Variants in APMAP observed in about 807,000 individuals in gnomAD.
APMAP encodes adipocyte plasma membrane-associated protein.
In APMAP, 33 loss-of-function variants were observed where a neutral mutation model predicts 43.6. The ratio of observed to expected loss-of-function variants is 0.76; its 90% confidence interval spans 0.57 to 1.01. APMAP has a LOEUF of 1.01. APMAP is among the 50% of genes least tolerant of loss of function. The probability of loss-of-function intolerance (pLI) is 0.00; values close to 1 mark genes in which losing one functional copy is unlikely to be tolerated. For missense variants in APMAP, 498 were observed against 540.7 expected, an observed-to-expected ratio of 0.92 and a Z score of 0.78; for synonymous variants, 224 against 216.7, an observed-to-expected ratio of 1.03 and a Z score of -0.30.
chr20:24,980,265 G>T (rs996816648), intron 2 of APMAP, among the ~76,000 whole-genome samples: 3 of 152,250 alleles, frequency 2.0e-5, no homozygotes, highest in African/African-American at 7.2e-5. Flanking sequence ...GCAAGGCAGA[G>T]AATTCAAGAA....
chr20:24,965,728 G>C (rs889614392), intron 8 of APMAP, among the ~76,000 whole-genome samples: 1 of 152,234 alleles, frequency 6.6e-6, no homozygotes, highest in African/African-American at 2.4e-5. Context: ...CCCAGCATGG[G>C]GTGCTACAGC....
rs558489008 is a variant in APMAP, at chr20:24,982,441, A to G, written c.212+1462T>C. Among the ~76,000 whole-genome samples the G allele has an allele frequency of 4.6e-5, 7 of 152,350 alleles. No homozygotes were observed. The East Asian group carries it at 1.3e-3, about 29-fold the overall frequency. On this transcript the variant is annotated intron_variant, in intron 2 of 8. Transcript: ENST00000217456. ...CTCATCAGGCTTTTCTACTCAACAGATAGAACTCACTTTGTACAAACAACT... is the reference window on the plus strand; with the variant it reads ...CTCATCAGGCTTTTCTACTCAACAGGTAGAACTCACTTTGTACAAACAACT...
At chr20:24,982,816 T>C (rs2088116152) in intron 2 of APMAP, among the ~76,000 whole-genome samples, 1 of 150,784 alleles carries the variant, frequency 6.6e-6, no homozygotes, top group Non-Finnish European at 1.5e-5. Flanking sequence ...AGCCCCTCCC[T>C]CAACACATCA....
chr20:24,963,429 G>T lies in APMAP; in HGVS notation c.*384C>A. 4.2e-6 allele frequency: 1 copy of T among 237,600 alleles called. No homozygotes were observed. Among genetic ancestry groups the T allele is most frequent in the Non-Finnish European group, 8.4e-6 (1 of 118,736 alleles). The allele number at this position is 237,600 out of a possible 1,614,324, so 14.7% of individuals were successfully genotyped here. ...AGTAAAGAAGAACTTTGAGGCCGCA[G>T]GACAGGGCCGCAGCAGCAAGCTCTC... On this transcript the variant is annotated 3_prime_UTR_variant, in exon 9 of 9. Coordinates refer to ENST00000217456, the MANE Select transcript of APMAP (RefSeq NM_020531.3).
intron 3 of APMAP, 99 bp from the exon 4 acceptor site, chr20:24,973,836 G>T: frequency 1.0e-6 from 1 of 975,352 alleles, no homozygotes; most frequent in Non-Finnish European, 1.6e-6. Flanking sequence ...TGTTCCCCCT[G>T]CCCTATAGAG....
intron 3 of APMAP, 50 bp downstream of exon 3, chr20:24,978,717 A>G (rs1162221568): frequency 1.5e-5 from 9 of 596,358 alleles, no homozygotes; most frequent in Non-Finnish European, 2.7e-5. Context: ...CCGCCCCCTC[A>G]GACAACAGAC....
chr20:24,971,284 C>T (rs1442720526), intron 5 of APMAP, among the ~76,000 whole-genome samples, 176 bp downstream of exon 5: 1 of 152,132 alleles, frequency 6.6e-6, no homozygotes, highest in Non-Finnish European at 1.5e-5. Context: ...AGGGAGTTTT[C>T]TGGTGTTTAA....
In APMAP at chr20:24,992,723, T is replaced by G; in HGVS notation, c.-35A>C. 1 of 1,450,196 alleles carries G rather than the reference T, an allele frequency of 6.9e-7. No individual in the cohort carries two copies. Among genetic ancestry groups the G allele is most frequent in the Non-Finnish European group, 9.2e-7 (1 of 1,090,894 alleles). The allele number at this position is 1,450,196 out of a possible 1,614,324, so 89.8% of individuals were successfully genotyped here. On this transcript the variant is annotated 5_prime_UTR_variant, in exon 1 of 9. Coordinates refer to ENST00000217456, the MANE Select transcript of APMAP (RefSeq NM_020531.3). ...GCCAGCCTCACCCGCAGAAACCACC[T>G]CACACTGAGCGGCGCCGGCTCAGAC...
At chr20:24,964,142 C>T (rs2087922834) in intron 8 of APMAP, 120 bp from the exon 9 acceptor site, 2 of 1,085,650 alleles carry the variant, frequency 1.8e-6, no homozygotes, top group Admixed American at 4.1e-5. Flanking sequence ...CAGGGCAGCC[C>T]CACAGGGCAG....
intron 8 of APMAP, 64 bp from the exon 9 acceptor site, chr20:24,964,086 C>A: frequency 6.6e-7 from 1 of 1,519,866 alleles, no homozygotes; most frequent in Admixed American, 1.7e-5. Flanking sequence ...CGCAGATCAA[C>A]CGTGCCGCCC....
At chr20:24,981,968 C>T (rs1006127571) in intron 2 of APMAP, among the ~76,000 whole-genome samples, 4 of 152,244 alleles carry the variant, frequency 2.6e-5, no homozygotes, top group African/African-American at 4.8e-5. Flanking sequence ...GTTGTGGCCA[C>T]GTTCTTGCAT....
At position 24,988,383 on chromosome 20, in the gene APMAP, C is replaced by T. The variant is rs140944773; in HGVS notation, c.95+4211G>A. On this transcript the variant is annotated intron_variant, in intron 1 of 8. Transcript: ENST00000217456. Reference sequence around the variant, plus strand: ...CACCCCATTTAAATACCTGGTTGCCCCTTCACACAATAGTTAGAGGCTCAA... The same window carrying T: ...CACCCCATTTAAATACCTGGTTGCCTCTTCACACAATAGTTAGAGGCTCAA... Among the ~76,000 whole-genome samples, 16 of 152,260 alleles carry T rather than the reference C, an allele frequency of 1.1e-4. No individual in the cohort carries two copies. In the East Asian group the frequency reaches 3.1e-3, roughly 29 times the overall value.
Position 24,992,735 on chromosome 20 carries a change from G to A in APMAP, c.-47C>T, listed in dbSNP as rs1178600812. On this transcript the variant is annotated 5_prime_UTR_variant, in exon 1 of 9. Transcript: ENST00000217456. Reference sequence around the variant, plus strand: ...CGCAGAAACCACCTCACACTGAGCGGCGCCGGCTCAGACTCCAGGCCCGCC... The same window carrying A: ...CGCAGAAACCACCTCACACTGAGCGACGCCGGCTCAGACTCCAGGCCCGCC... 11 of 1,403,506 alleles carry A rather than the reference G, an allele frequency of 7.8e-6. No homozygotes were observed. The highest frequency in any genetic ancestry group is 5.5e-5 in the South Asian group (4 of 72,808). The allele number at this position is 1,403,506 out of a possible 1,614,324, so 86.9% of individuals were successfully genotyped here. A position where few individuals can be genotyped will look rare whatever the true frequency, so the allele number is the denominator to read the frequency against.
Position 24,963,859 on chromosome 20 carries a change from G to C in APMAP, c.1205C>G (p.Ser402Cys). The C allele has an allele frequency of 6.2e-7, 1 of 1,614,240 alleles. No homozygotes were observed. The highest frequency in any genetic ancestry group is 8.5e-7 in the Non-Finnish European group (1 of 1,180,046). ...TCTGCAGAGGAAGGGGGACCTGAAA[G>C]AGCCCAGGTACAGGTGCCCATCGTG... ...HEHDGHLYLGSFRSPFLCRLS... is the reference protein window; with the variant it reads ...HEHDGHLYLGCFRSPFLCRLS... The change falls in exon 9 of 9, where the codon TCT (serine) becomes TGT (cysteine). Residue 402 changes from serine (S) to cysteine (C), a missense_variant. Ser to Cys is a moderately radical substitution (Grantham distance 112). Transcript: ENST00000217456.
intron 2 of APMAP, among the ~76,000 whole-genome samples, chr20:24,983,029 T>C (rs548453226): frequency 1.3e-5 from 2 of 152,360 alleles, no homozygotes; most frequent in South Asian, 4.1e-4. Context: ...TTACAGCACC[T>C]TGTGCCTTTA....
intron 5 of APMAP, among the ~76,000 whole-genome samples, 168 bp from the exon 6 acceptor site, chr20:24,970,539 G>T (rs1216598682): frequency 6.6e-6 from 1 of 152,174 alleles, no homozygotes; most frequent in Non-Finnish European, 1.5e-5. Flanking sequence ...GGTGTTAAAT[G>T]ATTTTTTTAG....
intron 1 of APMAP, among the ~76,000 whole-genome samples, chr20:24,991,699 C>T (rs2088193836): frequency 6.6e-6 from 1 of 152,144 alleles, no homozygotes; most frequent in South Asian, 2.1e-4. Flanking sequence ...CAATCAGTCC[C>T]ACAACTTCAA....
chr20:24,977,657 G>A (rs1272407344), intron 3 of APMAP, among the ~76,000 whole-genome samples: 1 of 152,200 alleles, frequency 6.6e-6, no homozygotes, highest in Non-Finnish European at 1.5e-5. Context: ...AAAGTACAAT[G>A]AGAAGTAACC....
intron 2 of APMAP, among the ~76,000 whole-genome samples, chr20:24,982,838 C>CG (rs950593405): frequency 5.9e-5 from 9 of 152,096 alleles, no homozygotes; most frequent in African/African-American, 1.9e-4. Flanking sequence ...GGGACCCCCC[C>CG]CCGCCACCCA....
Sources: allele counts gnomAD v4.1 joint callset (sites outside exome capture counted in the v4.1 genomes callset), GRCh38; gene constraint gnomAD v4.1.1; transcripts MANE v1.5; gene names NCBI Gene and HGNC (gene_info 2026-07-23, HGNC 2026-07-21).